The following TRMT11 variants were observed in gnomAD, a reference collection of about 807,000 sequenced individuals.
The protein encoded by TRMT11 is tRNA (guanine(10)-N(2))-methyltransferase TRMT11.
A neutral mutation model predicts 62.8 loss-of-function variants in TRMT11; 53 were observed. That is an observed-to-expected ratio of 0.84 (90% CI 0.68 to 1.06). The LOEUF (loss-of-function observed/expected upper bound fraction) is 1.06. Among genes scored for constraint, TRMT11 ranks in the 50% least tolerant of loss-of-function variants. The pLI, the probability that TRMT11 is intolerant of heterozygous loss-of-function variation, is 0.00. For synonymous variants in TRMT11, 188 were observed against 190.3 expected (o/e 0.99, Z 0.10); for missense variants, 556 against 553.4 (o/e 1.00, Z -0.05).
chr6:126,122,177 T>C (rs981419074), intron 21 of TRMT11, among the ~76,000 whole-genome samples: 10 of 152,192 alleles, frequency 6.6e-5, no homozygotes, highest in East Asian at 1.9e-4. Context: ...GAGGCCTCCC[T>C]AGCCATGTGG....
chr6:126,215,521 G>A, the TRMT11 span, among the ~76,000 whole-genome samples: 3 of 151,558 alleles, frequency 2.0e-5, no homozygotes, highest in African/African-American at 7.3e-5. Context: ...AATCTTTTTT[G>A]TTTTCTATTT....
intron 21 of TRMT11, among the ~76,000 whole-genome samples, chr6:126,160,560 G>A (rs1583893870): frequency 1.3e-5 from 2 of 152,042 alleles, no homozygotes; most frequent in South Asian, 2.1e-4. Flanking sequence ...TGTTCTACTC[G>A]CTCCTCCTGG....
chr6:126,180,987 G>T (rs1778458847), intron 1 of TRMT11, among the ~76,000 whole-genome samples: 1 of 152,114 alleles, frequency 6.6e-6, no homozygotes, highest in African/African-American at 2.4e-5. Flanking sequence ...TACGTAATAA[G>T]TATTTACAAG....
chr6:126,047,273 C>T (rs1776087718), intron 16 of TRMT11, among the ~76,000 whole-genome samples: 1 of 151,216 alleles, frequency 6.6e-6, no homozygotes, highest in Non-Finnish European at 1.5e-5. Context: ...CCTGCCATGC[C>T]CCCTTATCCT....
At chr6:126,145,949 T>C (rs1777969876) in intron 21 of TRMT11, among the ~76,000 whole-genome samples, 1 of 152,218 alleles carries the variant, frequency 6.6e-6, no homozygotes, top group South Asian at 2.1e-4. Context: ...TAATCCATCA[T>C]CTTTGTGCTT....
chr6:125,986,930 TAG>T (rs1423176458), intron 1 of TRMT11: 3 of 380,658 alleles, frequency 7.9e-6, no homozygotes, highest in African/African-American at 6.3e-5. Context: ...TAGCGGAGAA[TAG>T]AGACAGCTAA....
At chr6:126,091,865 C>T (rs929598167) in intron 17 of TRMT11, among the ~76,000 whole-genome samples, 10 of 152,164 alleles carry the variant, frequency 6.6e-5, no homozygotes, top group African/African-American at 2.4e-4. Flanking sequence ...CGTAAAATCG[C>T]CACATGGAAA....
chr6:126,226,264 C>CGTAATTTTGACTG, the TRMT11 span, among the ~76,000 whole-genome samples: 2 of 152,136 alleles, frequency 1.3e-5, no homozygotes, highest in East Asian at 3.9e-4. Context: ...TAAATAAACT[C>CGTAATTTTGACTG]GTAATTTTGA....
At chr6:126,034,115 T>A (rs1043070031) in intron 12 of TRMT11, among the ~76,000 whole-genome samples, 21 of 152,068 alleles carry the variant, frequency 1.4e-4, no homozygotes, top group Non-Finnish European at 1.0e-4. Context: ...ATTGTTTTGA[T>A]GTAATTTCTA....
intron 21 of TRMT11, among the ~76,000 whole-genome samples, chr6:126,146,610 C>G (rs1777978175): frequency 6.6e-6 from 1 of 152,084 alleles, no homozygotes; most frequent in Admixed American, 6.6e-5. Flanking sequence ...CTCCACCTCC[C>G]AGGTTCAAGC....
the TRMT11 span, among the ~76,000 whole-genome samples, chr6:126,271,493 A>G: frequency 6.6e-6 from 1 of 151,262 alleles, no homozygotes; most frequent in African/African-American, 2.4e-5. Context: ...GTTTATATAT[A>G]TATATATATA....
chr6:126,057,362 C>A (rs1776402028), intron 17 of TRMT11, among the ~76,000 whole-genome samples: 1 of 152,152 alleles, frequency 6.6e-6, no homozygotes, highest in East Asian at 1.9e-4. Context: ...AGGGAAAAGT[C>A]AGTACTTTTT....
the TRMT11 span, among the ~76,000 whole-genome samples, chr6:126,216,016 C>T: frequency 6.6e-6 from 1 of 152,040 alleles, no homozygotes; most frequent in East Asian, 1.9e-4. Context: ...GTAGTTTATA[C>T]ATCACAATTA....
chr6:126,210,725 A>G, the TRMT11 span, among the ~76,000 whole-genome samples: 1 of 152,200 alleles, frequency 6.6e-6, no homozygotes, highest in African/African-American at 2.4e-5. Context: ...ATGTGTTCAA[A>G]TCAAACTTAT....
intron 21 of TRMT11, among the ~76,000 whole-genome samples, chr6:126,140,208 T>C (rs1777901908): frequency 6.6e-6 from 1 of 152,050 alleles, no homozygotes; most frequent in East Asian, 1.9e-4. Context: ...GAACCATCCT[T>C]GTATTCCTGG....
At chr6:126,020,575 A>G (rs1353225685) in intron 11 of TRMT11, among the ~76,000 whole-genome samples, 1 of 152,218 alleles carries the variant, frequency 6.6e-6, no homozygotes, top group East Asian at 1.9e-4. Flanking sequence ...TGACCAGAAG[A>G]CTGATGTAAT....
At chr6:125,993,319 A>G (rs969250585) in intron 1 of TRMT11, among the ~76,000 whole-genome samples, 3 of 152,218 alleles carry the variant, frequency 2.0e-5, no homozygotes, top group Non-Finnish European at 4.4e-5. Context: ...CTGTAACTTT[A>G]CACAGAAAGA....
chr6:126,233,556 A>G, the TRMT11 span, among the ~76,000 whole-genome samples: 1 of 152,160 alleles, frequency 6.6e-6, no homozygotes, highest in South Asian at 2.1e-4. Flanking sequence ...GGAGGCTAAG[A>G]ACTGCAGTCT....
At chr6:126,188,311 T>C (rs1472329847) in intron 1 of TRMT11, among the ~76,000 whole-genome samples, 1 of 151,820 alleles carries the variant, frequency 6.6e-6, no homozygotes, top group Non-Finnish European at 1.5e-5. Context: ...CCATAAAAAA[T>C]GGGCAAAAGA....
Sources: allele counts gnomAD v4.1 joint callset (sites outside exome capture counted in the v4.1 genomes callset), GRCh38; gene constraint gnomAD v4.1.1; transcripts MANE v1.5; gene names NCBI Gene and HGNC (gene_info 2026-07-23, HGNC 2026-07-21).